TMED2: variants seen among roughly 807,000 people sequenced by gnomAD.
The protein encoded by TMED2 is transmembrane emp24 domain-containing protein 2.
Under a neutral mutation model 17.5 loss-of-function variants are expected in TMED2, and 3 were observed. That is an observed-to-expected ratio of 0.17 (90% CI 0.08 to 0.44). The LOEUF is 0.44. Ranked by LOEUF, TMED2 falls within the 20% of genes least tolerant of loss-of-function variation. The pLI, the probability that TMED2 is intolerant of heterozygous loss-of-function variation, is 0.99. For missense variants in TMED2, 149 were observed against 254.8 expected (o/e 0.58, Z 2.83); for synonymous variants, 95 against 91.0 (o/e 1.04, Z -0.25).
At chr12:123,586,444 G>A (rs7973766) in intron 1 of TMED2, 50,421 of 163,518 alleles carry the variant, frequency 0.31, 8,259 homozygotes, top group African/African-American at 0.39. Context: ...TCTGCCTCCC[G>A]GGTTCAAGCG....
intron 3 of TMED2, among the ~76,000 whole-genome samples, chr12:123,593,685 A>T (rs1489351533): frequency 6.6e-6 from 1 of 152,176 alleles, no homozygotes; most frequent in African/African-American, 2.4e-5. Flanking sequence ...TATTTTTAGT[A>T]GACGGGGTTT....
At chr12:123,595,838 G>C (rs1953426831) in intron 3 of TMED2, among the ~76,000 whole-genome samples, 1 of 152,062 alleles carries the variant, frequency 6.6e-6, no homozygotes, top group Non-Finnish European at 1.5e-5. Context: ...AGACCAACTT[G>C]GGCAACATAG....
At chr12:123,585,953 G>A (rs1042360778) in intron 1 of TMED2, 3 of 152,160 alleles carry the variant, frequency 2.0e-5, no homozygotes, top group Admixed American at 1.3e-4. Flanking sequence ...AACCACAAAC[G>A]TTTATTACCT....
At position 123,586,944 on chromosome 12, in the gene TMED2, G is replaced by A. The variant is rs772497918; in HGVS notation, c.373+5G>A. 3.8e-6 allele frequency: 6 copies of A among 1,580,676 alleles called. No individual in the cohort carries two copies. The highest frequency in any genetic ancestry group is 5.2e-6 in the Non-Finnish European group (6 of 1,161,484). On this transcript the variant is annotated splice_donor_5th_base_variant and intron_variant, in intron 2 of 3. Transcript: ENST00000262225. ...GACAAGATATGGAAACAGAAGGTGAGATGAACATTCAGAAGATTTACATCA... is the reference window on the plus strand; with the variant it reads ...GACAAGATATGGAAACAGAAGGTGAAATGAACATTCAGAAGATTTACATCA...
intron 2 of TMED2, among the ~76,000 whole-genome samples, chr12:123,587,967 C>T (rs989131202): frequency 6.6e-6 from 1 of 152,138 alleles, no homozygotes; most frequent in African/African-American, 2.4e-5. Context: ...CAAATGGTGC[C>T]TTTGACTTTG....
At position 123,596,867 on chromosome 12, in the gene TMED2, T is replaced by A. The variant is rs1415539399; in HGVS notation, c.*138T>A. The A allele has an allele frequency of 4.3e-6, 5 of 1,171,768 alleles. 1 individual carries two copies. In the East Asian group the frequency reaches 1.5e-4, roughly 35 times the overall value. The allele number at this position is 1,171,768 out of a possible 1,614,324, so 72.6% of individuals were successfully genotyped here. A position where few individuals can be genotyped will look rare whatever the true frequency, so the allele number is the denominator to read the frequency against. ...TATGTTTCTTTGAGATTAATAGATA[T>A]TGGGGGAAAAACGCCTTTTTAGGAA... On this transcript the variant is annotated 3_prime_UTR_variant, in exon 4 of 4. Transcript: ENST00000262225.
intron 2 of TMED2, 23 bp downstream of exon 2, chr12:123,586,962 T>G (rs1343332679): frequency 1.4e-5 from 21 of 1,512,342 alleles, no homozygotes; most frequent in Non-Finnish European, 1.9e-5. Context: ...TTCAGAAGAT[T>G]TACATCACAT....
Position 123,597,193 on chromosome 12 carries a change from G to C in TMED2, c.*464G>C, listed in dbSNP as rs754535686. On this transcript the variant is annotated 3_prime_UTR_variant, in exon 4 of 4. Coordinates refer to ENST00000262225, the MANE Select transcript of TMED2 (RefSeq NM_006815.4). ...GAGAAACAGCAGTATGAATCTTGACGGTTTCTGCCCGTCCTAATGGCAGAG... is the reference window on the plus strand; with the variant it reads ...GAGAAACAGCAGTATGAATCTTGACCGTTTCTGCCCGTCCTAATGGCAGAG... The C allele has an allele frequency of 6.6e-6, 1 of 152,340 alleles. No individual in the cohort carries two copies. The highest frequency in any genetic ancestry group is 2.1e-4 in the South Asian group (1 of 4,828). 9.4% of individuals were successfully genotyped at this position (152,340 alleles called of 1,614,324 possible). A position where few individuals can be genotyped will look rare whatever the true frequency, so the allele number is the denominator to read the frequency against.
Position 123,596,861 on chromosome 12 carries a change from T to C in TMED2, c.*132T>C, listed in dbSNP as rs762457814. On this transcript the variant is annotated 3_prime_UTR_variant, in exon 4 of 4. Coordinates refer to ENST00000262225, the MANE Select transcript of TMED2 (RefSeq NM_006815.4). ...ACAACTTATGTTTCTTTGAGATTAA[T>C]AGATATTGGGGGAAAAACGCCTTTT... is the stretch of plus-strand genomic sequence containing the variant. 4 of 1,201,804 alleles carry C rather than the reference T, an allele frequency of 3.3e-6. No individual in the cohort carries two copies. The highest frequency in any genetic ancestry group is 2.4e-5 in the South Asian group (1 of 41,962). The allele number at this position is 1,201,804 out of a possible 1,614,324, so 74.4% of individuals were successfully genotyped here. A position where few individuals can be genotyped will look rare whatever the true frequency, so the allele number is the denominator to read the frequency against.
chr12:123,586,577 T>C lies in TMED2; in HGVS notation c.181-170T>C, dbSNP rs949576699. On this transcript the variant is annotated intron_variant, in intron 1 of 3. Coordinates refer to ENST00000262225, the MANE Select transcript of TMED2 (RefSeq NM_006815.4). The stretch of plus-strand genomic sequence containing the variant: ...GTTGGCCAGGCTGGTCTTGAACTCC[T>C]GACCTCAAGTGATCTGCCTGCCTTG... The C allele has an allele frequency of 5.4e-5, 26 of 485,910 alleles. 1 individual carries two copies. Among genetic ancestry groups the C allele is most frequent in the Admixed American group, 5.0e-4 (12 of 24,162 alleles). 30.1% of individuals were successfully genotyped at this position (485,910 alleles called of 1,614,324 possible).
chr12:123,598,231 T>C lies in TMED2; in HGVS notation c.*1502T>C, dbSNP rs1292266170. 1 of 152,260 alleles carries C rather than the reference T, an allele frequency of 6.6e-6. No homozygotes were observed. Among genetic ancestry groups the C allele is most frequent in the Non-Finnish European group, 1.5e-5 (1 of 68,034 alleles). 9.4% of individuals were successfully genotyped at this position (152,260 alleles called of 1,614,324 possible). A position where few individuals can be genotyped will look rare whatever the true frequency, so the allele number is the denominator to read the frequency against. On this transcript the variant is annotated 3_prime_UTR_variant, in exon 4 of 4. Transcript: ENST00000262225. ...TTTGACATGAGACATGTTCATGTTTTCTGAGTATTTATACCTATTACGTCT... is the reference window on the plus strand; with the variant it reads ...TTTGACATGAGACATGTTCATGTTTCCTGAGTATTTATACCTATTACGTCT...
At chr12:123,593,593 C>A (rs1953408798) in intron 3 of TMED2, among the ~76,000 whole-genome samples, 1 of 152,178 alleles carries the variant, frequency 6.6e-6, no homozygotes, top group African/African-American at 2.4e-5. Context: ...TTGGGCAAGT[C>A]ACCTTTTCTT....
intron 2 of TMED2, chr12:123,587,721 G>T (rs35178369): frequency 0.22 from 255,166 of 1,147,114 alleles, 31,690 homozygotes; most frequent in Non-Finnish European, 0.25. Flanking sequence ...ACCTCAGTTT[G>T]TTGGCATGAG....
chr12:123,587,580 T>C (rs1192218913), intron 2 of TMED2: 1 of 1,270,930 alleles, frequency 7.9e-7, no homozygotes, highest in Non-Finnish European at 1.0e-6. Flanking sequence ...GTTGGTTCTT[T>C]TTGTGTTAAG....
intron 1 of TMED2, 144 bp downstream of exon 1, chr12:123,584,960 C>T (rs1435090161): frequency 1.2e-5 from 13 of 1,047,746 alleles, no homozygotes; most frequent in Non-Finnish European, 1.7e-5. Flanking sequence ...CGCCACCCCC[C>T]GCCCCGCCCC....
chr12:123,584,818 T>TGCGGGCTAGCTGCCCGCAGCTGAGGC lies in TMED2; in HGVS notation c.180+3_180+28dup. On this transcript the variant is annotated splice_region_variant and intron_variant, in intron 1 of 3. Transcript: ENST00000262225. The stretch of plus-strand genomic sequence containing the variant: ...GGCTTCCTGGACATCGACGTGGAGG[T>TGCGGGCTAGCTGCCCGCAGCTGAGGC]GCGGGCTAGCTGCCCGCAGCTGAGG... 2.5e-6 allele frequency: 4 copies of TGCGGGCTAGCTGCCCGCAGCTGAGGC among 1,608,204 alleles called. No individual in the cohort carries two copies. Among genetic ancestry groups the TGCGGGCTAGCTGCCCGCAGCTGAGGC allele is most frequent in the Non-Finnish European group, 3.4e-6 (4 of 1,179,748 alleles).
intron 3 of TMED2, among the ~76,000 whole-genome samples, chr12:123,596,025 C>G (rs1210107017): frequency 2.6e-5 from 4 of 152,110 alleles, no homozygotes; most frequent in Non-Finnish European, 4.4e-5. Flanking sequence ...ACAAAAAAGT[C>G]TTTGCTTTGG....
chr12:123,596,548 C>T (rs1481791611), intron 3 of TMED2, 57 bp from the exon 4 acceptor site: 1 of 1,561,454 alleles, frequency 6.4e-7, no homozygotes, highest in East Asian at 2.3e-5. Flanking sequence ...TTTATGATGC[C>T]TATGTCTTTT....
At position 123,584,759 on chromosome 12, in the gene TMED2, C is replaced by T; in HGVS notation, c.123C>T (p.Thr41=). The change falls in exon 1 of 4, where the codon ACC becomes ACT. Residue 41 remains threonine, a synonymous_variant. Coordinates refer to ENST00000262225, the MANE Select transcript of TMED2 (RefSeq NM_006815.4). ...TCTTTGAGCGGGTCACCTCGGGCAC[C>T]AAGATGGGCCTCATCTTCGAGGTGG... is the stretch of plus-strand genomic sequence containing the variant. The part of the protein sequence containing the change: ...ECFFERVTSG[T]KMGLIFEVAE... The T allele has an allele frequency of 6.2e-7, 1 of 1,613,564 alleles. No homozygotes were observed. Among genetic ancestry groups the T allele is most frequent in the Non-Finnish European group, 8.5e-7 (1 of 1,179,888 alleles).
Sources: allele counts gnomAD v4.1 joint callset (sites outside exome capture counted in the v4.1 genomes callset), GRCh38; gene constraint gnomAD v4.1.1; transcripts MANE v1.5; gene names NCBI Gene and HGNC (gene_info 2026-07-23, HGNC 2026-07-21).